The following NALF1 variants were observed in gnomAD, a reference collection of about 807,000 sequenced individuals.
The protein encoded by NALF1 is family with sequence similarity 155 member A.
A neutral mutation model predicts 48.4 loss-of-function variants in NALF1; 3 were observed. The observed-to-expected ratio is 0.06, with a 90% confidence interval of 0.03 to 0.16. The LOEUF (loss-of-function observed/expected upper bound fraction) is 0.16. Ranked by LOEUF, NALF1 falls within the 10% of genes least tolerant of loss-of-function variation. The pLI, the probability that NALF1 is intolerant of heterozygous loss-of-function variation, is 1.00. For missense variants in NALF1, 526 were observed against 571.5 expected, an observed-to-expected ratio of 0.92 and a Z score of 0.81; for synonymous variants, 262 against 245.7, an observed-to-expected ratio of 1.07 and a Z score of -0.62.
In NALF1 at chr13:107,482,590, A is replaced by G. The variant is rs189199669; in HGVS notation, c.916-271835T>C. 9.2e-5 allele frequency among the ~76,000 whole-genome samples: 14 copies of G among 152,330 alleles called. No individual in the cohort carries two copies. In the East Asian group the frequency reaches 2.7e-3, roughly 29 times the overall value. On this transcript the variant is annotated intron_variant, in intron 1 of 2. Coordinates refer to ENST00000375915, the MANE Select transcript of NALF1 (RefSeq NM_001080396.3). ...TAGAAAGGCACATTCTGCAGAACAC[A>G]TGAGAAATAAACATAGCTTTCAGCA...
intron 1 of NALF1, among the ~76,000 whole-genome samples, chr13:107,657,772 T>C (rs1880621848): frequency 6.6e-6 from 1 of 152,180 alleles, no homozygotes; most frequent in Admixed American, 6.6e-5. Context: ...ACTGATCATA[T>C]GCTAACAACT....
intron 1 of NALF1, among the ~76,000 whole-genome samples, chr13:107,281,721 T>C (rs1881391379): frequency 6.6e-6 from 1 of 152,274 alleles, no homozygotes; most frequent in East Asian, 1.9e-4. Flanking sequence ...GAGGTTTAAT[T>C]GACTCACAGT....
chr13:107,350,207 A>G (rs1271627957), intron 1 of NALF1, among the ~76,000 whole-genome samples: 3 of 152,308 alleles, frequency 2.0e-5, no homozygotes, highest in South Asian at 2.1e-4. Context: ...CCCCTGCTGT[A>G]TTGTACGTAA....
chr13:107,538,488 A>C (rs2139116660), intron 1 of NALF1, among the ~76,000 whole-genome samples: 1 of 152,296 alleles, frequency 6.6e-6, no homozygotes, highest in East Asian at 1.9e-4. Context: ...TTACCTTTCA[A>C]CAAGCCAAGT....
intron 1 of NALF1, among the ~76,000 whole-genome samples, chr13:107,742,574 G>C (rs1320059297): frequency 6.6e-6 from 1 of 152,136 alleles, no homozygotes; most frequent in Non-Finnish European, 1.5e-5. Context: ...CACCATGATT[G>C]TAAGTTTCCT....
At chr13:107,505,420 G>A (rs1199549407) in intron 1 of NALF1, among the ~76,000 whole-genome samples, 1 of 152,128 alleles carries the variant, frequency 6.6e-6, no homozygotes, top group African/African-American at 2.4e-5. Flanking sequence ...TGGTTATGAA[G>A]GGTCTCTCCA....
At chr13:107,210,828 G>A (rs952472067) in intron 1 of NALF1, 73 bp from the exon 2 acceptor site, 8 of 1,037,022 alleles carry the variant, frequency 7.7e-6, no homozygotes, top group South Asian at 5.5e-5. Context: ...TGTGAGAAGC[G>A]TGCAAGCGTG....
At chr13:107,785,905 T>C (rs1878057592) in intron 1 of NALF1, among the ~76,000 whole-genome samples, 1 of 152,074 alleles carries the variant, frequency 6.6e-6, no homozygotes, top group African/African-American at 2.4e-5. Flanking sequence ...GTGAGGAGGT[T>C]TTATTTAGAG....
At chr13:107,697,154 A>G (rs1335704176) in intron 1 of NALF1, among the ~76,000 whole-genome samples, 1 of 152,194 alleles carries the variant, frequency 6.6e-6, no homozygotes. Flanking sequence ...CTAAGGTCAC[A>G]TATCAAGGCT....
At chr13:107,856,780 T>C (rs752246145) in intron 1 of NALF1, among the ~76,000 whole-genome samples, 4 of 152,196 alleles carry the variant, frequency 2.6e-5, no homozygotes, top group African/African-American at 7.2e-5. Flanking sequence ...TTTAAAATTA[T>C]GTAGCCCAAC....
intron 1 of NALF1, among the ~76,000 whole-genome samples, chr13:107,258,116 C>A (rs1880857065): frequency 6.6e-6 from 1 of 152,028 alleles, no homozygotes; most frequent in South Asian, 2.1e-4. Flanking sequence ...AAACAATGTA[C>A]CCTCTCATTT....
At chr13:107,742,532 C>T (rs116677879) in intron 1 of NALF1, among the ~76,000 whole-genome samples, 5,608 of 152,218 alleles carry the variant, frequency 0.037, 242 homozygotes, top group African/African-American at 0.1. Flanking sequence ...ACCTTCCTGC[C>T]GCCATGAGAA....
At chr13:107,592,488 GA>G (rs942785247) in intron 1 of NALF1, among the ~76,000 whole-genome samples, 1 of 151,780 alleles carries the variant, frequency 6.6e-6, no homozygotes, top group African/African-American at 2.4e-5. Context: ...CCATTGCTAT[GA>G]AAAAACATTA....
chr13:107,318,210 G>A (rs1342687997), intron 1 of NALF1, among the ~76,000 whole-genome samples: 1 of 152,090 alleles, frequency 6.6e-6, no homozygotes, highest in East Asian at 1.9e-4. Context: ...GACAAAATAT[G>A]TCAATCAAGT....
intron 1 of NALF1, among the ~76,000 whole-genome samples, chr13:107,665,626 T>C (rs1469541148): frequency 6.6e-6 from 1 of 152,140 alleles, no homozygotes; most frequent in East Asian, 1.9e-4. Flanking sequence ...TACTATGAAA[T>C]ATGTTGTTCT....
At chr13:107,677,789 TA>T (rs1442985766) in intron 1 of NALF1, among the ~76,000 whole-genome samples, 1 of 150,720 alleles carries the variant, frequency 6.6e-6, no homozygotes, top group Non-Finnish European at 1.5e-5. Flanking sequence ...GATTATACTG[TA>T]AATAATTAAA....
Position 107,210,719 on chromosome 13 carries a change from C to T in NALF1, c.952G>A (p.Glu318Lys), listed in dbSNP as rs750668882. Residue 318 changes from glutamate (E) to lysine (K), a missense_variant, in exon 2 of 3, where the codon GAA (glutamate) becomes AAA (lysine). Transcript: ENST00000375915. ...YKAWLCSQYF[E>K]VTQFNCRKTI... ...TTTCTGCAGTTAAACTGTGTGACTT[C>T]AAAATACTGGGAACAGAGCCAGGCT... is the stretch of plus-strand genomic sequence containing the variant. The T allele has an allele frequency of 6.2e-7, 1 of 1,612,992 alleles. No individual in the cohort carries two copies. Among genetic ancestry groups the T allele is most frequent in the Non-Finnish European group, 8.5e-7 (1 of 1,179,058 alleles).
chr13:107,175,984 C>G (rs973760690), intron 2 of NALF1, among the ~76,000 whole-genome samples: 7 of 152,178 alleles, frequency 4.6e-5, no homozygotes, highest in Non-Finnish European at 7.3e-5. Flanking sequence ...TCTTCACCCC[C>G]TCATAGGTAG....
intron 1 of NALF1, among the ~76,000 whole-genome samples, chr13:107,636,703 A>G (rs1879985301): frequency 6.6e-6 from 1 of 151,936 alleles, no homozygotes; most frequent in South Asian, 2.1e-4. Flanking sequence ...TTAATTTTAT[A>G]ATATACTTGG....
Sources: gnomAD v4.1 joint callset for allele counts (sites outside exome capture counted in the v4.1 genomes callset) on GRCh38, gnomAD v4.1.1 for gene constraint, MANE v1.5 for transcripts, NCBI Gene and HGNC (gene_info 2026-07-23, HGNC 2026-07-21) for gene names.